The following RNF149 variants were observed in gnomAD, a reference collection of about 807,000 sequenced individuals.
RNF149 encodes E3 ubiquitin-protein ligase RNF149.
In RNF149, 21 loss-of-function variants were observed where a neutral mutation model predicts 39.0. The ratio of observed to expected loss-of-function variants is 0.54; its 90% CI spans 0.38 to 0.77. The LOEUF is 0.77. Among genes scored for constraint, RNF149 ranks in the 30% least tolerant of loss-of-function variants. The pLI is 0.00. For missense variants in RNF149, 493 were observed against 534.9 expected, an observed-to-expected ratio of 0.92 and a Z score of 0.77; for synonymous variants, 209 against 213.6, an observed-to-expected ratio of 0.98 and a Z score of 0.19.
In RNF149 at chr2:101,295,175, C is replaced by T; in HGVS notation, c.467G>A (p.Gly156Glu). 6.2e-7 allele frequency: 1 copy of T among 1,612,804 alleles called. No homozygotes were observed. Among genetic ancestry groups the T allele is most frequent in the South Asian group, 1.1e-5 (1 of 91,020 alleles). Residue 156 changes from glycine (G) to glutamate (E), a missense_variant, in exon 2 of 7, where the codon GGA (glycine) becomes GAA (glutamate). Gly to Glu is a moderately conservative substitution (Grantham distance 98). Coordinates refer to ENST00000295317, the MANE Select transcript of RNF149 (RefSeq NM_173647.4). The stretch of plus-strand genomic sequence containing the variant: ...GCTAATCATAATGACCACTATATTT[C>T]CTGTTCCTGTAGGAAAGAACAAAGA... Reference protein sequence around the residue: ...ITLPMSHAGTGNIVVIMISYP... With the variant: ...ITLPMSHAGTENIVVIMISYP...
At chr2:101,306,801 C>A (rs1430287830) in intron 1 of RNF149, among the ~76,000 whole-genome samples, 1 of 152,196 alleles carries the variant, frequency 6.6e-6, no homozygotes. Context: ...CATCACTTCA[C>A]AAAATAGGCA....
Position 101,308,409 on chromosome 2 carries a change from C to A in RNF149, c.180G>T (p.Glu60Asp), listed in dbSNP as rs1485660015. Residue 60 changes from glutamate to aspartate, a missense_variant, in exon 1 of 7, where the codon GAG becomes GAT. Physicochemically the swap from Glu to Asp is conservative, Grantham distance 45 (BLOSUM62 2). Coordinates refer to ENST00000295317, the MANE Select transcript of RNF149 (RefSeq NM_173647.4). ...GCGAGCTGTCGCCGAAGCGGCCACT[C>A]TCCGAGACGCTCCACACCGTCAGGT... ...QTNLTVWSVSESGRFGDSSPK... is the reference protein window; with the variant it reads ...QTNLTVWSVSDSGRFGDSSPK... The A allele has an allele frequency of 6.2e-7, 1 of 1,611,266 alleles. No individual in the cohort carries two copies. Among genetic ancestry groups the A allele is most frequent in the Non-Finnish European group, 8.5e-7 (1 of 1,179,326 alleles).
At chr2:101,280,920 G>C (rs1682560057) in intron 6 of RNF149, among the ~76,000 whole-genome samples, 1 of 152,186 alleles carries the variant, frequency 6.6e-6, no homozygotes, top group African/African-American at 2.4e-5. Flanking sequence ...TGTGGTCTCA[G>C]CTACTTGGGA....
At chr2:101,305,802 A>T (rs1222370828) in intron 1 of RNF149, among the ~76,000 whole-genome samples, 1 of 152,104 alleles carries the variant, frequency 6.6e-6, no homozygotes, top group Non-Finnish European at 1.5e-5. Context: ...GTCTCTGGCT[A>T]ATCTTTTAAA....
intron 2 of RNF149, chr2:101,294,405 T>C: frequency 4.0e-6 from 1 of 247,556 alleles, no homozygotes; most frequent in Non-Finnish European, 7.8e-6. Context: ...TTAAATATTG[T>C]CAAGAAAGTA....
In RNF149 at chr2:101,289,706, TC is replaced by T. The variant is rs1319611982; in HGVS notation, c.781-652del. The stretch of plus-strand genomic sequence containing the variant: ...GGCAACTGTTGAGCAAGACTCTGTC[TC>T]AAAAAAAAAAAAAAAAAAGAGACAG... On this transcript the variant is annotated intron_variant, in intron 3 of 6. Coordinates refer to ENST00000295317, the MANE Select transcript of RNF149 (RefSeq NM_173647.4). 2.7e-3 allele frequency among the ~76,000 whole-genome samples: 300 copies of T among 112,568 alleles called. 2 individuals carry two copies. Among genetic ancestry groups the T allele is most frequent in the African/African-American group, 9.5e-3 (275 of 29,028 alleles). 73.8% of individuals were successfully genotyped at this position (112,568 alleles called of 152,430 possible).
chr2:101,299,479 C>T (rs1026838897), intron 1 of RNF149, among the ~76,000 whole-genome samples: 11 of 152,160 alleles, frequency 7.2e-5, no homozygotes, highest in African/African-American at 2.7e-4. Flanking sequence ...ATTTTCTAAA[C>T]ATCTAGTAGT....
At chr2:101,307,928 G>C (rs148361899) in intron 1 of RNF149, 1 of 985,338 alleles carries the variant, frequency 1.0e-6, no homozygotes, top group Non-Finnish European at 1.2e-6. Flanking sequence ...ATCACATCTT[G>C]TCCGCAGACT....
intron 6 of RNF149, chr2:101,281,488 CCTTT>C (rs1682582512): frequency 6.5e-6 from 1 of 154,068 alleles, no homozygotes; most frequent in South Asian, 1.8e-4. Context: ...TAATAAAATT[CCTTT>C]TTTTTTTTTT....
intron 1 of RNF149, among the ~76,000 whole-genome samples, chr2:101,297,546 A>AG (rs1166221924): frequency 8.2e-6 from 1 of 122,456 alleles, no homozygotes; most frequent in East Asian, 2.9e-4. Flanking sequence ...TTTTTTAGAG[A>AG]TGGGGTCTCA....
chr2:101,308,111 G>A lies in RNF149; in HGVS notation c.460+18C>T. 6.2e-7 allele frequency: 1 copy of A among 1,603,146 alleles called. No individual in the cohort carries two copies. Among genetic ancestry groups the A allele is most frequent in the Non-Finnish European group, 8.5e-7 (1 of 1,175,880 alleles). On this transcript the variant is annotated intron_variant, in intron 1 of 6. Transcript: ENST00000295317. ...GCCGCGAAGTCCCCCTCCCGTCCTC[G>A]CGCCCCGGCCTGCTCACCCGCGTGA... is the stretch of plus-strand genomic sequence containing the variant.
intron 5 of RNF149, 151 bp from the exon 6 acceptor site, chr2:101,282,208 A>G: frequency 8.4e-7 from 1 of 1,183,782 alleles, no homozygotes; most frequent in Non-Finnish European, 1.1e-6. Context: ...CTTATCTAGT[A>G]TCACAAGAAA....
intron 1 of RNF149, among the ~76,000 whole-genome samples, chr2:101,296,173 A>G (rs1004702708): frequency 2.6e-5 from 4 of 152,218 alleles, no homozygotes; most frequent in Non-Finnish European, 5.9e-5. Context: ...GTACTAATAC[A>G]TAATACCTAA....
chr2:101,294,859 T>C, intron 2 of RNF149, 72 bp downstream of exon 2: 1 of 1,218,588 alleles, frequency 8.2e-7, no homozygotes. Context: ...AAATGTAACT[T>C]CTAGGAATAT....
At position 101,308,237 on chromosome 2, in the gene RNF149, AG is replaced by A; in HGVS notation, c.351del (p.Cys118AlafsTer41). On this transcript the variant is annotated frameshift_variant, in exon 1 of 7. Transcript: ENST00000295317. LOFTEE classifies it high-confidence loss of function. ...APWVALVARG[G>X]CTFKDKVLVA... ...ACCAGCACCTTGTCCTTGAAGGTGC[AG>A]CCCCCACGAGCCACCAGGGCGACCC... The A allele has an allele frequency of 1.9e-6, 3 of 1,598,294 alleles. No individual in the cohort carries two copies. Among genetic ancestry groups the A allele is most frequent in the Non-Finnish European group, 2.6e-6 (3 of 1,174,160 alleles).
intron 3 of RNF149, among the ~76,000 whole-genome samples, chr2:101,293,366 C>T (rs186640375): frequency 2.1e-4 from 32 of 152,048 alleles, no homozygotes; most frequent in Admixed American, 4.6e-4. Flanking sequence ...CATTTCAGAG[C>T]GCACCAGAAG....
At chr2:101,292,170 A>G (rs1222710203) in intron 3 of RNF149, among the ~76,000 whole-genome samples, 1 of 152,210 alleles carries the variant, frequency 6.6e-6, no homozygotes. Context: ...CTGAATGTGT[A>G]TTGCTTTCAC....
chr2:101,280,607 C>A (rs1682545963), intron 6 of RNF149, among the ~76,000 whole-genome samples: 1 of 151,966 alleles, frequency 6.6e-6, no homozygotes, highest in Admixed American at 6.6e-5. Flanking sequence ...TAATTTCTAT[C>A]TGGAAAGTAC....
chr2:101,289,741 C>T (rs1487825848), intron 3 of RNF149, among the ~76,000 whole-genome samples: 2 of 151,312 alleles, frequency 1.3e-5, no homozygotes, highest in African/African-American at 2.4e-5. Context: ...AGGGTCTTAC[C>T]GTGTTGCTCA....
Sources: allele counts gnomAD v4.1 joint callset (sites outside exome capture counted in the v4.1 genomes callset), GRCh38; gene constraint gnomAD v4.1.1; transcripts MANE v1.5; gene names NCBI Gene and HGNC (gene_info 2026-07-23, HGNC 2026-07-21).